PARD3: variants seen among roughly 807,000 people sequenced by gnomAD.
The protein encoded by PARD3 is partitioning defective 3 homolog.
PARD3 carries 75 observed loss-of-function variants against 155.4 expected under a neutral mutation model. That is an observed-to-expected ratio of 0.48 (90% confidence interval 0.40 to 0.58). PARD3 has a LOEUF of 0.58. PARD3 is among the 20% of genes least tolerant of loss of function. PARD3 has a pLI of 0.00. For missense variants in PARD3, 1,642 were observed against 1,721.7 expected (o/e 0.95, Z 0.82); for synonymous variants, 576 against 610.5 (o/e 0.94, Z 0.83).
rs182959944 is a variant in PARD3 at position 34,424,597 on chromosome 10, C to A, written c.715-22680G>T. Among the ~76,000 whole-genome samples, 105 of 152,266 alleles carry A rather than the reference C, an allele frequency of 6.9e-4. 1 individual carries two copies. The highest frequency in any genetic ancestry group is 6.6e-3 in the South Asian group (32 of 4,818). ...TGGCATGGTCTCAGCTCACTGCAAC[C>A]TCTGTCTCCCGGGTTCAAGAGATTC... On this transcript the variant is annotated intron_variant, in intron 5 of 24. Transcript: ENST00000374788.
In PARD3 at chr10:34,782,938, TG is replaced by T. The variant is rs1240103334; in HGVS notation, c.120+31937del. 1.2e-4 allele frequency among the ~76,000 whole-genome samples: 19 copies of T among 152,102 alleles called. 1 individual carries two copies. The highest frequency in any genetic ancestry group is 1.2e-3 in the Admixed American group (19 of 15,272). On this transcript the variant is annotated intron_variant, in intron 1 of 24. Coordinates refer to ENST00000374788, the MANE Select transcript of PARD3 (RefSeq NM_001184785.2). ...ACGGGTTTCACCATGTTGGCCAGGC[TG>T]GTCTCGAACTCCTGACCTCAGATGA...
chr10:34,398,438 A>G lies in PARD3; in HGVS notation c.890+892T>C, dbSNP rs561014346. Among the ~76,000 whole-genome samples, 9 of 152,318 alleles carry G rather than the reference A, an allele frequency of 5.9e-5. No homozygotes were observed. In the East Asian group the frequency reaches 1.3e-3, roughly 23 times the overall value. ...ACTTCCCCACTTTTTCGCACCATGT[A>G]AAGAAAGTTAAAATAAAAAGAAAAA... On this transcript the variant is annotated intron_variant, in intron 7 of 24. Transcript: ENST00000374788.
At chr10:34,166,531 G>T (rs1271625264) in intron 22 of PARD3, among the ~76,000 whole-genome samples, 1 of 151,988 alleles carries the variant, frequency 6.6e-6, no homozygotes, top group Non-Finnish European at 1.5e-5. Context: ...GGCGGGGGCA[G>T]GCAGGCGGAA....
intron 1 of PARD3, among the ~76,000 whole-genome samples, chr10:34,729,933 A>T (rs2094787723): frequency 6.6e-6 from 1 of 152,202 alleles, no homozygotes; most frequent in African/African-American, 2.4e-5. Context: ...AAACACATCC[A>T]ACATCACCTC....
chr10:34,431,344 T>C (rs1057388656), intron 5 of PARD3, among the ~76,000 whole-genome samples: 6 of 152,164 alleles, frequency 3.9e-5, no homozygotes, highest in Non-Finnish European at 8.8e-5. Context: ...AGGAACAGAA[T>C]TGATTTTAAA....
At chr10:34,632,884 C>CT (rs1417302202) in intron 2 of PARD3, among the ~76,000 whole-genome samples, 1 of 152,186 alleles carries the variant, frequency 6.6e-6, no homozygotes, top group Non-Finnish European at 1.5e-5. Flanking sequence ...TTCCCGTTGG[C>CT]TTAACAGAGC....
At chr10:34,188,722 T>C (rs1950583407) in intron 22 of PARD3, among the ~76,000 whole-genome samples, 1 of 151,948 alleles carries the variant, frequency 6.6e-6, no homozygotes, top group Admixed American at 6.6e-5. Context: ...ATAATCATCC[T>C]ATATTCATAT....
At chr10:34,630,443 C>CT (rs755155387) in intron 2 of PARD3, among the ~76,000 whole-genome samples, 11,216 of 139,282 alleles carry the variant, frequency 0.081, 1,415 homozygotes, top group African/African-American at 0.27. Context: ...CCCTCTCTCT[C>CT]TTTTTTTTTT....
intron 20 of PARD3, among the ~76,000 whole-genome samples, chr10:34,295,882 G>C (rs762120904): frequency 2.6e-5 from 4 of 152,192 alleles, no homozygotes; most frequent in Non-Finnish European, 5.9e-5. Flanking sequence ...AACATGAGCA[G>C]ACAGATGTAC....
intron 3 of PARD3, among the ~76,000 whole-genome samples, chr10:34,478,857 G>A (rs935433098): frequency 3.3e-5 from 5 of 152,068 alleles, no homozygotes; most frequent in Non-Finnish European, 7.4e-5. Context: ...ACATATTAAT[G>A]TTTCCATCCA....
intron 12 of PARD3, 41 bp from the exon 13 acceptor site, chr10:34,360,300 G>A (rs1839319266): frequency 1.4e-6 from 2 of 1,431,032 alleles, no homozygotes; most frequent in Non-Finnish European, 9.8e-7. Flanking sequence ...ATAGTCCAAT[G>A]TTTCTTTCTC....
intron 5 of PARD3, among the ~76,000 whole-genome samples, chr10:34,435,728 A>T (rs2076155326): frequency 6.6e-6 from 1 of 152,246 alleles, no homozygotes; most frequent in South Asian, 2.1e-4. Context: ...TATAACATAC[A>T]GTCTAAGACA....
intron 1 of PARD3, among the ~76,000 whole-genome samples, chr10:34,802,781 A>G (rs149900135): frequency 1.1e-4 from 16 of 152,308 alleles, no homozygotes; most frequent in Middle Eastern, 3.4e-3. Context: ...AGAAAAGCCT[A>G]TTCTAGTGAG....
At chr10:34,412,244 T>C (rs1305962522) in intron 5 of PARD3, among the ~76,000 whole-genome samples, 1 of 152,144 alleles carries the variant, frequency 6.6e-6, no homozygotes, top group East Asian at 1.9e-4. Flanking sequence ...AATACAGGCA[T>C]GAACCCCAGC....
chr10:34,612,898 A>T (rs915518966), intron 2 of PARD3, among the ~76,000 whole-genome samples: 1 of 152,246 alleles, frequency 6.6e-6, no homozygotes, highest in African/African-American at 2.4e-5. Context: ...TTGAACAGCC[A>T]ATCAAATAAA....
intron 2 of PARD3, among the ~76,000 whole-genome samples, chr10:34,536,455 T>G (rs146270735): frequency 8.1e-4 from 124 of 152,324 alleles, no homozygotes; most frequent in African/African-American, 2.8e-3. Flanking sequence ...AAACAACATG[T>G]CAAGTATCCA....
intron 20 of PARD3, among the ~76,000 whole-genome samples, chr10:34,293,027 A>G (rs1956748498): frequency 1.3e-5 from 2 of 152,108 alleles, no homozygotes; most frequent in Non-Finnish European, 2.9e-5. Flanking sequence ...CTTTACAAGA[A>G]TCACCACAAA....
intron 1 of PARD3, among the ~76,000 whole-genome samples, chr10:34,748,034 C>A (rs985420261): frequency 4.0e-5 from 6 of 150,262 alleles, no homozygotes; most frequent in Non-Finnish European, 1.5e-5. Flanking sequence ...GTGGGGGTTA[C>A]CACCATGACA....
intron 1 of PARD3, among the ~76,000 whole-genome samples, chr10:34,806,299 GAT>G (rs1273412982): frequency 6.6e-6 from 1 of 150,690 alleles, no homozygotes; most frequent in Non-Finnish European, 1.5e-5. Flanking sequence ...GGATTCAAGT[GAT>G]TCTCTTGCCT....
Sources: gnomAD v4.1 joint callset for allele counts (sites outside exome capture counted in the v4.1 genomes callset) on GRCh38, gnomAD v4.1.1 for gene constraint, MANE v1.5 for transcripts, NCBI Gene and HGNC (gene_info 2026-07-23, HGNC 2026-07-21) for gene names.